Variants in PDE1C observed in about 807,000 individuals in gnomAD.
The protein encoded by PDE1C is dual specificity calcium/calmodulin-dependent 3',5'-cyclic nucleotide phosphodiesterase 1C.
Under a neutral mutation model 93.1 loss-of-function variants are expected in PDE1C, and 62 were observed. That is an observed-to-expected ratio of 0.67 (90% CI 0.54 to 0.82). The LOEUF is 0.82. PDE1C is among the 40% of genes least tolerant of loss of function. The probability of loss-of-function intolerance (pLI) is 0.00; values close to 1 mark genes in which losing one functional copy is unlikely to be tolerated. For missense variants in PDE1C, 742 were observed against 884.6 expected, an observed-to-expected ratio of 0.84 and a Z score of 2.04; for synonymous variants, 325 against 310.1, an observed-to-expected ratio of 1.05 and a Z score of -0.50.
At chr7:31,850,592 G>T in intron 8 of PDE1C, 49 bp downstream of exon 8, 2 of 1,223,924 alleles carry the variant, frequency 1.6e-6, no homozygotes, top group Non-Finnish European at 2.4e-6. Flanking sequence ...TTCTAAAACT[G>T]TCTCTCTGAC....
intron 7 of PDE1C, among the ~76,000 whole-genome samples, chr7:31,852,437 T>A (rs909517660): frequency 2.0e-5 from 3 of 151,164 alleles, no homozygotes; most frequent in Admixed American, 6.6e-5. Context: ...ATGGGCAAGA[T>A]AAGGAAAGAT....
intron 1 of PDE1C, among the ~76,000 whole-genome samples, chr7:32,263,101 T>A (rs1328557374): frequency 6.6e-6 from 1 of 152,208 alleles, no homozygotes; most frequent in East Asian, 1.9e-4. Flanking sequence ...ACACACCCCA[T>A]TCATGACCAT....
intron 7 of PDE1C, among the ~76,000 whole-genome samples, chr7:31,855,069 TAAAAA>T (rs70989615): frequency 1.9e-5 from 2 of 107,036 alleles, no homozygotes; most frequent in Non-Finnish European, 1.8e-5. Flanking sequence ...TCCCTCTGTC[TAAAAA>T]AAAAAAAAAA....
intron 3 of PDE1C, among the ~76,000 whole-genome samples, chr7:32,140,580 TG>T (rs1488208707): frequency 5.9e-5 from 9 of 152,370 alleles, no homozygotes; most frequent in South Asian, 4.1e-4. Context: ...TCCTGACAGC[TG>T]AGAAAGCAGG....
intron 5 of PDE1C, among the ~76,000 whole-genome samples, chr7:31,874,418 A>G (rs1796298160): frequency 6.6e-6 from 1 of 152,218 alleles, no homozygotes; most frequent in Non-Finnish European, 1.5e-5. Context: ...CTTGACAGCA[A>G]GGATTCACAT....
intron 16 of PDE1C, 40 bp downstream of exon 16, chr7:31,808,991 C>T: frequency 8.5e-7 from 1 of 1,174,252 alleles, no homozygotes. Context: ...CATTAAACTG[C>T]ACATTTTATG....
chr7:32,391,408 C>T (rs948361750), intron 1 of PDE1C, among the ~76,000 whole-genome samples: 6 of 152,144 alleles, frequency 3.9e-5, no homozygotes, highest in African/African-American at 1.4e-4. Context: ...GTAGTTGATA[C>T]ATTCAACATC....
At chr7:32,097,872 AC>A (rs1797833463) in intron 3 of PDE1C, among the ~76,000 whole-genome samples, 1 of 152,164 alleles carries the variant, frequency 6.6e-6, no homozygotes. Flanking sequence ...AACACAAGTC[AC>A]AAGATAAGGA....
intron 1 of PDE1C, among the ~76,000 whole-genome samples, chr7:32,215,520 CA>C (rs779503501): frequency 6.6e-5 from 10 of 152,064 alleles, no homozygotes; most frequent in Non-Finnish European, 1.5e-4. Flanking sequence ...TGGCCAGAAA[CA>C]AATCTCAGAG....
chr7:31,859,606 A>G (rs1794438865), intron 7 of PDE1C, among the ~76,000 whole-genome samples: 1 of 151,940 alleles, frequency 6.6e-6, no homozygotes, highest in South Asian at 2.1e-4. Context: ...ACATTTAAAC[A>G]ATGTTTAACT....
intron 2 of PDE1C, among the ~76,000 whole-genome samples, chr7:31,989,746 C>T (rs113950714): frequency 9.9e-5 from 15 of 152,194 alleles, no homozygotes; most frequent in African/African-American, 2.2e-4. Context: ...ACGATAACTG[C>T]GGTGACTAGC....
At chr7:31,701,006 C>G in the PDE1C span, among the ~76,000 whole-genome samples, 3 of 152,180 alleles carry the variant, frequency 2.0e-5, no homozygotes, top group African/African-American at 7.2e-5. Context: ...GTTTTCATGC[C>G]TGCTAATGTA....
upstream of PDE1C, among the ~76,000 whole-genome samples, chr7:32,302,491 A>G (rs562351865): frequency 6.6e-6 from 1 of 152,368 alleles, no homozygotes; most frequent in South Asian, 2.1e-4. Flanking sequence ...ATAGGATTAA[A>G]TAATGTCCTT....
chr7:32,416,686 G>A (rs1042138073), intron 1 of PDE1C, among the ~76,000 whole-genome samples: 2 of 152,162 alleles, frequency 1.3e-5, no homozygotes, highest in Admixed American at 6.5e-5. Context: ...GAAGCTCAGG[G>A]ATGCTGTCAG....
chr7:31,772,581 T>A (rs1194345168), intron 17 of PDE1C, among the ~76,000 whole-genome samples: 1 of 151,114 alleles, frequency 6.6e-6, no homozygotes, highest in Non-Finnish European at 1.5e-5. Context: ...TATATTTTTT[T>A]ATTATAATTT....
At chr7:32,416,825 C>T (rs528463921) in intron 1 of PDE1C, among the ~76,000 whole-genome samples, 2 of 152,230 alleles carry the variant, frequency 1.3e-5, no homozygotes, top group African/African-American at 4.8e-5. Context: ...TAAATCAGAA[C>T]AGGTCTATGG....
chr7:32,099,620 T>C (rs1797944860), intron 3 of PDE1C, among the ~76,000 whole-genome samples: 1 of 152,204 alleles, frequency 6.6e-6, no homozygotes, highest in South Asian at 2.1e-4. Flanking sequence ...TTCCTTTTAT[T>C]TGCAAATCAA....
At chr7:31,968,336 T>G (rs1030198623) in intron 2 of PDE1C, among the ~76,000 whole-genome samples, 4 of 151,896 alleles carry the variant, frequency 2.6e-5, no homozygotes, top group East Asian at 1.9e-4. Context: ...GAGAGCCAAA[T>G]CATGAGTGAA....
At chr7:31,968,889 C>T (rs572040888) in intron 2 of PDE1C, among the ~76,000 whole-genome samples, 1 of 152,236 alleles carries the variant, frequency 6.6e-6, no homozygotes, top group South Asian at 2.1e-4. Context: ...GAAAGGATTC[C>T]CTATTTAATA....
Sources: gnomAD v4.1 joint callset for allele counts (sites outside exome capture counted in the v4.1 genomes callset) on GRCh38, gnomAD v4.1.1 for gene constraint, MANE v1.5 for transcripts, NCBI Gene and HGNC (gene_info 2026-07-23, HGNC 2026-07-21) for gene names.